Variants in ZFHX3 observed in about 807,000 individuals in gnomAD.
ZFHX3 encodes zinc finger homeobox protein 3.
A neutral mutation model predicts 279.1 loss-of-function variants in ZFHX3; 42 were observed. That is an observed-to-expected ratio of 0.15 (90% CI 0.12 to 0.19). The LOEUF is 0.19. Among genes scored for constraint, ZFHX3 ranks in the 10% least tolerant of loss-of-function variants. ZFHX3 has a pLI of 1.00. For missense variants in ZFHX3, 4,981 were observed against 4,754.0 expected, an observed-to-expected ratio of 1.05 and a Z score of -1.40; for synonymous variants, 2,293 against 1,957.8, an observed-to-expected ratio of 1.17 and a Z score of -4.52.
Position 72,784,924 on chromosome 16 carries a change from AAAG to A in ZFHX3, c.*2237_*2239del, listed in dbSNP as rs1388488451. The stretch of plus-strand genomic sequence containing the variant: ...AAATAGTCCCGGCTAAAAAAGAAAA[AAAG>A]AAAAAAAATCCATTTTCAGATCTTG... On this transcript the variant is annotated 3_prime_UTR_variant, in exon 10 of 10. Transcript: ENST00000268489. 1 of 152,446 alleles carries A rather than the reference AAAG, an allele frequency of 6.6e-6. No individual in the cohort carries two copies. Among genetic ancestry groups the A allele is most frequent in the Non-Finnish European group, 1.5e-5 (1 of 67,978 alleles). 9.4% of individuals were successfully genotyped at this position (152,446 alleles called of 1,614,324 possible).
rs978201201 is a variant in ZFHX3 at position 73,661,363 on chromosome 16, T to C, written c.-1547+18817A>G. On this transcript the variant is annotated intron_variant, in intron 2 of 17. Transcript: ENST00000641206. ...AGTTAACTCACTGTAATTTGGAACATATAAGCATGAAAGGAGTTCAACAGT... is the reference window on the plus strand; with the variant it reads ...AGTTAACTCACTGTAATTTGGAACACATAAGCATGAAAGGAGTTCAACAGT... Among the ~76,000 whole-genome samples, 128 of 152,328 alleles carry C rather than the reference T, an allele frequency of 8.4e-4. 1 individual carries two copies. Among genetic ancestry groups the C allele is most frequent in the African/African-American group, 3.0e-3 (124 of 41,584 alleles).
chr16:73,507,855 T>C (rs2019355545), intron 2 of ZFHX3, among the ~76,000 whole-genome samples: 1 of 152,102 alleles, frequency 6.6e-6, no homozygotes, highest in African/African-American at 2.4e-5. Context: ...GTCCAATCCT[T>C]GGACACCCCG....
intron 2 of ZFHX3, among the ~76,000 whole-genome samples, chr16:73,562,047 C>A (rs1333396786): frequency 1.3e-5 from 2 of 152,208 alleles, no homozygotes; most frequent in African/African-American, 4.8e-5. Context: ...CAAGCGAATA[C>A]ATGTTTTAGC....
At chr16:73,427,482 C>T (rs987491787) in intron 3 of ZFHX3, among the ~76,000 whole-genome samples, 2 of 152,128 alleles carry the variant, frequency 1.3e-5, no homozygotes, top group African/African-American at 4.8e-5. Context: ...TGCTCCCACC[C>T]AGATAGCCTC....
At chr16:73,328,916 T>C (rs1472119383) in intron 3 of ZFHX3, among the ~76,000 whole-genome samples, 1 of 152,242 alleles carries the variant, frequency 6.6e-6, no homozygotes, top group African/African-American at 2.4e-5. Flanking sequence ...TCCATGCTGC[T>C]CTTCCTTTCT....
rs886338160 is a variant in ZFHX3, at chr16:72,786,081, A to G, written c.*1083T>C. On this transcript the variant is annotated 3_prime_UTR_variant, in exon 10 of 10. Transcript: ENST00000268489. ...GGTGGGAGAAGGAAAGAGAAAGTGGAATTAAGGGACAAGAAAGAGAAAGTG... is the reference window on the plus strand; with the variant it reads ...GGTGGGAGAAGGAAAGAGAAAGTGGGATTAAGGGACAAGAAAGAGAAAGTG... 2 of 151,992 alleles carry G rather than the reference A, an allele frequency of 1.3e-5. No individual in the cohort carries two copies. Among genetic ancestry groups the G allele is most frequent in the African/African-American group, 4.8e-5 (2 of 41,350 alleles). 9.4% of individuals were successfully genotyped at this position (151,992 alleles called of 1,614,324 possible). A position where few individuals can be genotyped will look rare whatever the true frequency, so the allele number is the denominator to read the frequency against.
chr16:73,112,861 C>T (rs1230003462), intron 7 of ZFHX3, among the ~76,000 whole-genome samples: 1 of 152,030 alleles, frequency 6.6e-6, no homozygotes, highest in Non-Finnish European at 1.5e-5. Context: ...GCTGCTGCCC[C>T]TGGGGCCTGG....
chr16:73,489,655 A>G (rs2019027550), intron 2 of ZFHX3, among the ~76,000 whole-genome samples: 1 of 152,222 alleles, frequency 6.6e-6, no homozygotes, highest in Admixed American at 6.5e-5. Flanking sequence ...TCTAAGAAAA[A>G]ATATTCACAA....
At chr16:73,163,261 G>C (rs1967281847) in intron 5 of ZFHX3, among the ~76,000 whole-genome samples, 1 of 152,120 alleles carries the variant, frequency 6.6e-6, no homozygotes, top group Admixed American at 6.5e-5. Context: ...TGGGGGATAG[G>C]GTATTCTAAA....
chr16:73,719,593 G>T (rs1230425040), intron 1 of ZFHX3, among the ~76,000 whole-genome samples: 1 of 151,978 alleles, frequency 6.6e-6, no homozygotes, highest in Non-Finnish European at 1.5e-5. Flanking sequence ...TATGAGTCAG[G>T]CAATACAGTG....
intron 2 of ZFHX3, among the ~76,000 whole-genome samples, chr16:73,468,728 A>G (rs1455795153): frequency 2.0e-5 from 3 of 152,148 alleles, no homozygotes; most frequent in Non-Finnish European, 1.5e-5. Flanking sequence ...ACTACTATGA[A>G]AAAAGGGAGA....
At chr16:73,445,993 G>A (rs1240405162) in intron 3 of ZFHX3, among the ~76,000 whole-genome samples, 1 of 152,114 alleles carries the variant, frequency 6.6e-6, no homozygotes, top group Non-Finnish European at 1.5e-5. Flanking sequence ...TTGTTCTTAT[G>A]CTTCTCTCAG....
intron 1 of ZFHX3, among the ~76,000 whole-genome samples, chr16:72,980,571 C>T (rs764469489): frequency 2.0e-5 from 3 of 146,462 alleles, no homozygotes; most frequent in Admixed American, 6.9e-5. Context: ...CCAGCCCGGG[C>T]AACAAGGTGA....
At chr16:73,322,398 T>A (rs1425254485) in intron 3 of ZFHX3, among the ~76,000 whole-genome samples, 2 of 152,170 alleles carry the variant, frequency 1.3e-5, no homozygotes, top group African/African-American at 4.8e-5. Flanking sequence ...ATGCAGGATG[T>A]CTTGATGTAT....
chr16:73,375,684 C>T (rs1461845244), intron 3 of ZFHX3, among the ~76,000 whole-genome samples: 1 of 152,090 alleles, frequency 6.6e-6, no homozygotes, highest in African/African-American at 2.4e-5. Context: ...TCCTTTTCTC[C>T]ATGCTAAAAA....
chr16:73,871,592 T>C (rs1423261550), intron 1 of ZFHX3, among the ~76,000 whole-genome samples: 3 of 152,006 alleles, frequency 2.0e-5, no homozygotes, highest in African/African-American at 7.2e-5. Context: ...CAAGCAGTCA[T>C]CTCCCATAAT....
intron 2 of ZFHX3, among the ~76,000 whole-genome samples, chr16:73,578,740 AC>A (rs2051826725): frequency 6.6e-6 from 1 of 152,098 alleles, no homozygotes; most frequent in Admixed American, 6.5e-5. Flanking sequence ...TTTTTATGAA[AC>A]TTTTCAAACA....
chr16:73,883,403 G>A (rs1171216063), intron 1 of ZFHX3, among the ~76,000 whole-genome samples: 8 of 45,344 alleles, frequency 1.8e-4, no homozygotes, highest in Non-Finnish European at 3.6e-4. Context: ...ATATATATGT[G>A]TGTGTGTGTG....
At chr16:73,016,357 C>T (rs1323058594) in intron 1 of ZFHX3, among the ~76,000 whole-genome samples, 3 of 152,032 alleles carry the variant, frequency 2.0e-5, no homozygotes, top group Non-Finnish European at 4.4e-5. Context: ...GTACAAGGCG[C>T]TACTTTGTAC....
Sources: gnomAD v4.1 joint callset for allele counts (sites outside exome capture counted in the v4.1 genomes callset) on GRCh38, gnomAD v4.1.1 for gene constraint, MANE v1.5 for transcripts, NCBI Gene and HGNC (gene_info 2026-07-23, HGNC 2026-07-21) for gene names.